Variants in TUBG1 observed in about 807,000 individuals in gnomAD.
TUBG1 encodes the protein tubulin gamma 1, also known as tubulin gamma-1 chain.
Under a neutral mutation model 53.3 loss-of-function variants are expected in TUBG1, and 22 were observed. That is an observed-to-expected ratio of 0.41 (90% CI 0.29 to 0.59). The LOEUF (loss-of-function observed/expected upper bound fraction) is 0.59, where lower values mean the gene tolerates loss of function less well. Ranked by LOEUF, TUBG1 falls within the 20% of genes least tolerant of loss-of-function variation. TUBG1 has a pLI of 0.26. For synonymous variants in TUBG1, 198 were observed against 236.7 expected, an observed-to-expected ratio of 0.84 and a Z score of 1.50; for missense variants, 217 against 598.9, an observed-to-expected ratio of 0.36 and a Z score of 6.66.
Position 42,615,003 on chromosome 17 carries a change from C to G in TUBG1, c.1318C>G (p.Arg440Gly). 6.2e-7 allele frequency: 1 copy of G among 1,614,174 alleles called. No individual in the cohort carries two copies. The highest frequency in any genetic ancestry group is 8.5e-7 in the Non-Finnish European group (1 of 1,180,022). The change falls in exon 11 of 11, where the codon CGG (arginine) becomes GGG (glycine). Residue 440 changes from arginine (R) to glycine (G), a missense_variant. Transcript: ENST00000251413. ...CATCGATGAGTACCATGCGGCCACA[C>G]GGCCAGACTACATCTCCTGGGGCAC... ...QLIDEYHAATRPDYISWGTQE... is the reference protein window; with the variant it reads ...QLIDEYHAATGPDYISWGTQE...
chr17:42,613,043 C>T lies in TUBG1; in HGVS notation c.576C>T (p.Leu192=), dbSNP rs774645097. 9 of 1,614,130 alleles carry T rather than the reference C, an allele frequency of 5.6e-6. No homozygotes were observed. Among genetic ancestry groups the T allele is most frequent in the Admixed American group, 1.7e-5 (1 of 60,018 alleles). The change falls in exon 6 of 11, where the codon CTC becomes CTT. Residue 192 remains leucine, a synonymous_variant. Transcript: ENST00000251413. ...VVQPYNSLLT[L]KRLTQNADCV... is the part of the protein sequence containing the mutation. ...AGCCTTACAATTCACTCCTCACACT[C>T]AAGAGGCTGACGCAGAATGCAGACT...
At chr17:42,612,235 T>TA in intron 4 of TUBG1, 92 bp downstream of exon 4, 1 of 1,412,790 alleles carries the variant, frequency 7.1e-7, no homozygotes, top group Non-Finnish European at 1.0e-6. Context: ...GACCCACTCA[T>TA]GTACCCTTTG....
intron 2 of TUBG1, 81 bp downstream of exon 2, chr17:42,610,301 G>C: frequency 6.3e-7 from 1 of 1,599,998 alleles, no homozygotes; most frequent in Non-Finnish European, 8.5e-7. Context: ...TGGGAACCCC[G>C]CTGGGCAGTA....
chr17:42,611,681 C>T (rs960286711), intron 3 of TUBG1, among the ~76,000 whole-genome samples: 1 of 152,182 alleles, frequency 6.6e-6, no homozygotes, highest in African/African-American at 2.4e-5. Context: ...CATGGTGAAA[C>T]TCTGATTCTA....
chr17:42,612,691 G>T (rs538433027), intron 5 of TUBG1, among the ~76,000 whole-genome samples, 185 bp downstream of exon 5: 3 of 152,242 alleles, frequency 2.0e-5, no homozygotes, highest in African/African-American at 7.2e-5. Flanking sequence ...GGGAACTGGA[G>T]CCTAGAACCT....
chr17:42,610,772 C>T (rs1206826194), intron 3 of TUBG1, 182 bp downstream of exon 3: 7 of 816,888 alleles, frequency 8.6e-6, no homozygotes, highest in African/African-American at 1.7e-5. Context: ...TGTGCCAGGT[C>T]ATTCTAAGTG....
At chr17:42,613,613 C>G in intron 6 of TUBG1, 34 bp from the exon 7 acceptor site, 1 of 1,613,864 alleles carries the variant, frequency 6.2e-7, no homozygotes, top group Non-Finnish European at 8.5e-7. Flanking sequence ...TTTTCTTATC[C>G]CCATTGATCT....
chr17:42,611,658 C>T (rs2052035239), intron 3 of TUBG1, among the ~76,000 whole-genome samples: 1 of 152,166 alleles, frequency 6.6e-6, no homozygotes, highest in African/African-American at 2.4e-5. Flanking sequence ...GAGTTCAAGA[C>T]CAGCCTAGCC....
rs766884549 is a variant in TUBG1, at chr17:42,613,088, C to A, written c.606+15C>A. 1 of 1,612,682 alleles carries A rather than the reference C, an allele frequency of 6.2e-7. No homozygotes were observed. The highest frequency in any genetic ancestry group is 1.3e-5 in the African/African-American group (1 of 74,860). On this transcript the variant is annotated intron_variant, in intron 6 of 10. Coordinates refer to ENST00000251413, the MANE Select transcript of TUBG1 (RefSeq NM_001070.5). ...CAGACTGTGTGGTGAGTCCTGGATT[C>A]TACCTCTCCCAACTCTCAACACCCC...
chr17:42,612,372 A>G, intron 4 of TUBG1, 55 bp from the exon 5 acceptor site: 2 of 1,583,414 alleles, frequency 1.3e-6, no homozygotes, highest in Admixed American at 3.5e-5. Context: ...AGATGGGTCT[A>G]GTTTGACATC....
At position 42,614,795 on chromosome 17, in the gene TUBG1, C is replaced by T. The variant is rs1567932078; in HGVS notation, c.1159-49C>T. The T allele has an allele frequency of 3.7e-6, 6 of 1,612,774 alleles. No individual in the cohort carries two copies. The highest frequency in any genetic ancestry group is 2.2e-5 in the East Asian group (1 of 44,880). ...CTTGGTTCCCCAGCTTTCTGGGCCA[C>T]GTTATTCTTTGAAGTTCTTTGTAAC... is the stretch of plus-strand genomic sequence containing the variant. On this transcript the variant is annotated intron_variant, in intron 10 of 10. Coordinates refer to ENST00000251413, the MANE Select transcript of TUBG1 (RefSeq NM_001070.5). The surrounding 1 kb of genome is among the most constrained non-coding windows in gnomAD (Gnocchi z 5.1).
rs1477554679 is a variant in TUBG1, at chr17:42,614,185, G to C, written c.844-75G>C. On this transcript the variant is annotated intron_variant, in intron 8 of 10. Coordinates refer to ENST00000251413, the MANE Select transcript of TUBG1 (RefSeq NM_001070.5). The surrounding 1 kb of genome is among the most constrained non-coding windows in gnomAD (Gnocchi z 5.1). Reference sequence around the variant, plus strand: ...GCTCTCCACCCTCCCTCTGCCTTTGGCTTCTGCCAAAGAGAAGCCAAAGGG... The same window carrying C: ...GCTCTCCACCCTCCCTCTGCCTTTGCCTTCTGCCAAAGAGAAGCCAAAGGG... 3 of 1,606,160 alleles carry C rather than the reference G, an allele frequency of 1.9e-6. No individual in the cohort carries two copies. Among genetic ancestry groups the C allele is most frequent in the Admixed American group, 1.7e-5 (1 of 59,458 alleles).
chr17:42,614,806 G>A lies in TUBG1; in HGVS notation c.1159-38G>A, dbSNP rs770146708. On this transcript the variant is annotated intron_variant, in intron 10 of 10. Coordinates refer to ENST00000251413, the MANE Select transcript of TUBG1 (RefSeq NM_001070.5). The surrounding 1 kb of genome is among the most constrained non-coding windows in gnomAD (Gnocchi z 5.1). Reference sequence around the variant, plus strand: ...AGCTTTCTGGGCCACGTTATTCTTTGAAGTTCTTTGTAACCCCTGTTTTCT... The same window carrying A: ...AGCTTTCTGGGCCACGTTATTCTTTAAAGTTCTTTGTAACCCCTGTTTTCT... 9.3e-6 allele frequency: 15 copies of A among 1,613,478 alleles called. No homozygotes were observed. In the South Asian group the frequency reaches 1.5e-4, roughly 17 times the overall value.
chr17:42,612,825 C>G, intron 5 of TUBG1, 122 bp from the exon 6 acceptor site: 1 of 1,368,188 alleles, frequency 7.3e-7, no homozygotes, highest in Non-Finnish European at 1.0e-6. Flanking sequence ...CCCTTCTCTA[C>G]TGATTTGACC....
chr17:42,614,349 C>A lies in TUBG1; in HGVS notation c.933C>A (p.Arg311=). Residue 311 remains arginine (R), a synonymous_variant, in exon 9 of 11, where the codon CGC becomes CGA. Coordinates refer to ENST00000251413, the MANE Select transcript of TUBG1 (RefSeq NM_001070.5). The surrounding 1 kb of genome is among the most constrained non-coding windows in gnomAD (Gnocchi z 5.1). ...TGATGGTGTCCACAGGCCGAGACCG[C>A]CAGACCAACCACTGCTACATCGCCA... The part of the protein sequence containing the change: ...KNVMVSTGRD[R]QTNHCYIAIL... The A allele has an allele frequency of 6.2e-7, 1 of 1,613,902 alleles. No homozygotes were observed. Among genetic ancestry groups the A allele is most frequent in the Non-Finnish European group, 8.5e-7 (1 of 1,179,838 alleles).
rs747366197 is a variant in TUBG1 at position 42,614,381 on chromosome 17, A to G, written c.965A>G (p.Asn322Ser). 7 of 1,613,832 alleles carry G rather than the reference A, an allele frequency of 4.3e-6. No individual in the cohort carries two copies. The highest frequency in any genetic ancestry group is 2.5e-6 in the Non-Finnish European group (3 of 1,179,870). ...QTNHCYIAIL[N>S]IIQGEVDPTQ... ...AACCACTGCTACATCGCCATCCTCA[A>G]CATCATCCAGGGAGAGGTGGACCCC... Residue 322 changes from asparagine (N) to serine (S), a missense_variant, in exon 9 of 11, where the codon AAC becomes AGC. By Grantham distance (46) the Asn-to-Ser change is conservative. Coordinates refer to ENST00000251413, the MANE Select transcript of TUBG1 (RefSeq NM_001070.5). This position sits in a 1 kb window ranked among gnomAD's most constrained non-coding sequence, Gnocchi z 5.1.
rs527299619 is a variant in TUBG1, at chr17:42,612,390, T to C, written c.400-37T>C. ...TGGGTCTAGTTTGACATCCTGCCAC[T>C]AGATACCTGTACACTGACTGCCCCT... On this transcript the variant is annotated intron_variant, in intron 4 of 10. Transcript: ENST00000251413. The C allele has an allele frequency of 3.1e-6, 5 of 1,603,864 alleles. No homozygotes were observed. The South Asian group carries it at 5.6e-5, about 18-fold the overall frequency.
rs1356630171 is a variant in TUBG1 at position 42,614,668 on chromosome 17, A to G, written c.1158+11A>G. ...ACCAGCATCTCCTCGGTGAGTCTCA[A>G]AGTTTGCACCTTTTTTCCCTGAATC... is the stretch of plus-strand genomic sequence containing the variant. On this transcript the variant is annotated intron_variant, in intron 10 of 10. Coordinates refer to ENST00000251413, the MANE Select transcript of TUBG1 (RefSeq NM_001070.5). The surrounding 1 kb of genome is among the most constrained non-coding windows in gnomAD (Gnocchi z 5.1). The G allele has an allele frequency of 1.2e-6, 2 of 1,613,652 alleles. No individual in the cohort carries two copies. Among genetic ancestry groups the G allele is most frequent in the Admixed American group, 1.7e-5 (1 of 59,974 alleles).
chr17:42,609,846 G>A, intron 1 of TUBG1, 60 bp downstream of exon 1: 2 of 1,526,440 alleles, frequency 1.3e-6, no homozygotes, highest in Non-Finnish European at 1.8e-6. Context: ...GGATCTCGCT[G>A]TGGGATCCTG....
Sources: gnomAD v4.1 joint callset for allele counts (sites outside exome capture counted in the v4.1 genomes callset) on GRCh38, gnomAD v4.1.1 for gene constraint, Gnocchi (gnomAD v3.1) non-coding constraint, MANE v1.5 for transcripts, NCBI Gene and HGNC (gene_info 2026-07-23, HGNC 2026-07-21) for gene names.